CTNNA2: variants seen among roughly 807,000 people sequenced by gnomAD.
CTNNA2 encodes the protein catenin alpha-2.
A neutral mutation model predicts 101.0 loss-of-function variants in CTNNA2; 42 were observed. The observed-to-expected ratio is 0.42, with a 90% CI of 0.32 to 0.54. The LOEUF (loss-of-function observed/expected upper bound fraction) is 0.54, where lower values mean the gene tolerates loss of function less well. CTNNA2 is among the 20% of genes least tolerant of loss of function. The probability of loss-of-function intolerance (pLI) is 0.14; values close to 1 mark genes in which losing one functional copy is unlikely to be tolerated. For synonymous variants in CTNNA2, 450 were observed against 456.4 expected (o/e 0.99, Z 0.18); for missense variants, 871 against 1,223.1 (o/e 0.71, Z 4.29).
chr2:80,136,131 G>A (rs928364378), intron 7 of CTNNA2, among the ~76,000 whole-genome samples: 1 of 152,146 alleles, frequency 6.6e-6, no homozygotes, highest in Non-Finnish European at 1.5e-5. Flanking sequence ...ATTTAGATGA[G>A]GTAATAGTTG....
intron 4 of CTNNA2, among the ~76,000 whole-genome samples, chr2:79,402,334 A>T (rs2104481952): frequency 6.6e-6 from 1 of 151,880 alleles, no homozygotes; most frequent in Non-Finnish European, 1.5e-5. Flanking sequence ...GATGTAAAAC[A>T]TTCTACCCAA....
At chr2:80,402,735 T>C (rs1218665282) in intron 8 of CTNNA2, among the ~76,000 whole-genome samples, 2 of 148,528 alleles carry the variant, frequency 1.3e-5, no homozygotes, top group African/African-American at 4.9e-5. Context: ...ATGGCAAATT[T>C]ATATATTTCT....
intron 8 of CTNNA2, among the ~76,000 whole-genome samples, chr2:80,401,301 A>C (rs936580846): frequency 6.6e-6 from 1 of 152,156 alleles, no homozygotes; most frequent in African/African-American, 2.4e-5. Context: ...GAAATATCCC[A>C]ATCATCAACT....
chr2:80,570,327 G>A lies in CTNNA2; in HGVS notation c.1742-3836G>A, dbSNP rs956799426. 1.9e-4 allele frequency among the ~76,000 whole-genome samples: 29 copies of A among 152,232 alleles called. 1 individual carries two copies. The highest frequency in any genetic ancestry group is 4.3e-4 in the Non-Finnish European group (29 of 68,046). The stretch of plus-strand genomic sequence containing the variant: ...GCTTCCCAAAGTGCTGGAATTACAC[G>A]TGTGAGCCACCGTGCCCAGCCTCAT... On this transcript the variant is annotated intron_variant, in intron 12 of 18. Transcript: ENST00000402739.
chr2:79,304,057 G>A (rs758000652), intron 2 of CTNNA2, among the ~76,000 whole-genome samples: 6 of 152,042 alleles, frequency 3.9e-5, no homozygotes, highest in Non-Finnish European at 2.9e-5. Context: ...GTCCATGCAG[G>A]GTGTGGGGGC....
chr2:80,495,628 G>A (rs1217565730), intron 9 of CTNNA2, among the ~76,000 whole-genome samples: 1 of 152,114 alleles, frequency 6.6e-6, no homozygotes, highest in Non-Finnish European at 1.5e-5. Context: ...CAGTATGGCT[G>A]GTGTCCTTAT....
intron 2 of CTNNA2, among the ~76,000 whole-genome samples, chr2:79,285,056 T>C (rs550206703): frequency 1.9e-4 from 27 of 145,440 alleles, no homozygotes; most frequent in Non-Finnish European, 3.5e-4. Flanking sequence ...GTAGAGGTGT[T>C]TGTAGTATTC....
At chr2:80,335,097 A>C (rs1224912642) in intron 7 of CTNNA2, among the ~76,000 whole-genome samples, 1 of 152,222 alleles carries the variant, frequency 6.6e-6, no homozygotes, top group Non-Finnish European at 1.5e-5. Flanking sequence ...ATCTCAGCTT[A>C]AAGGATGAGT....
At chr2:79,718,000 A>G (rs949286945) in intron 2 of CTNNA2, among the ~76,000 whole-genome samples, 1 of 152,138 alleles carries the variant, frequency 6.6e-6, no homozygotes, top group African/African-American at 2.4e-5. Context: ...CAGGACTGAG[A>G]TTTCCTGCAA....
intron 1 of CTNNA2, among the ~76,000 whole-genome samples, chr2:79,633,369 A>G (rs1354239726): frequency 6.6e-6 from 1 of 152,226 alleles, no homozygotes; most frequent in Non-Finnish European, 1.5e-5. Context: ...AGAAGTCCCC[A>G]GCTGAGTTGC....
At chr2:79,224,835 A>C (rs1434195) in intron 2 of CTNNA2, among the ~76,000 whole-genome samples, 124,250 of 150,522 alleles carry the variant, frequency 0.83, 51,693 homozygotes, top group East Asian at 0.99. Flanking sequence ...ATTAAGTTTG[A>C]CTGTTCTCGG....
intron 7 of CTNNA2, among the ~76,000 whole-genome samples, chr2:80,176,075 C>A (rs1158099637): frequency 6.6e-6 from 1 of 152,194 alleles, no homozygotes; most frequent in Non-Finnish European, 1.5e-5. Flanking sequence ...AACACCTTCA[C>A]AGATACATCC....
At chr2:79,459,579 CA>C (rs1217515018) in intron 4 of CTNNA2, among the ~76,000 whole-genome samples, 1 of 151,988 alleles carries the variant, frequency 6.6e-6, no homozygotes, top group Non-Finnish European at 1.5e-5. Flanking sequence ...AATGAGACAT[CA>C]AAAATATGGT....
intron 7 of CTNNA2, among the ~76,000 whole-genome samples, chr2:80,218,587 A>G (rs1388121028): frequency 1.3e-5 from 2 of 152,224 alleles, no homozygotes; most frequent in East Asian, 1.9e-4. Context: ...CACCTTGAAC[A>G]TATTCCTTAC....
At chr2:80,357,468 T>C (rs1401271902) in intron 7 of CTNNA2, among the ~76,000 whole-genome samples, 4 of 152,062 alleles carry the variant, frequency 2.6e-5, no homozygotes, top group Non-Finnish European at 5.9e-5. Flanking sequence ...TATCCTCATC[T>C]CTGACAGTGC....
intron 2 of CTNNA2, among the ~76,000 whole-genome samples, chr2:79,251,412 C>T (rs1674769620): frequency 6.6e-6 from 1 of 152,148 alleles, no homozygotes; most frequent in African/African-American, 2.4e-5. Flanking sequence ...TAAGAGGACC[C>T]TACTCATCCT....
intron 3 of CTNNA2, among the ~76,000 whole-genome samples, chr2:79,792,291 A>C (rs1675335220): frequency 2.0e-5 from 3 of 152,192 alleles, no homozygotes; most frequent in African/African-American, 7.2e-5. Flanking sequence ...CAGCCTTGGA[A>C]ATAAAGATAA....
chr2:79,584,952 A>G (rs934291479), intron 1 of CTNNA2, among the ~76,000 whole-genome samples: 3 of 152,230 alleles, frequency 2.0e-5, no homozygotes, highest in Non-Finnish European at 2.9e-5. Context: ...TATGGGGTTT[A>G]TATGAATTAA....
chr2:79,544,129 G>A (rs762204927), intron 1 of CTNNA2, among the ~76,000 whole-genome samples: 1 of 152,170 alleles, frequency 6.6e-6, no homozygotes, highest in Non-Finnish European at 1.5e-5. Flanking sequence ...GTAGTTACAG[G>A]GTTTCACCAT....
Sources: gnomAD v4.1 joint callset for allele counts (sites outside exome capture counted in the v4.1 genomes callset) on GRCh38, gnomAD v4.1.1 for gene constraint, MANE v1.5 for transcripts, NCBI Gene and HGNC (gene_info 2026-07-23, HGNC 2026-07-21) for gene names.